Variants in CAPS2 observed in about 807,000 individuals in gnomAD.
The protein encoded by CAPS2 is calcyphosin-2.
Under a neutral mutation model 86.5 loss-of-function variants are expected in CAPS2, and 98 were observed. That is an observed-to-expected ratio of 1.13 (90% CI 0.96 to 1.34). The LOEUF (loss-of-function observed/expected upper bound fraction) is 1.34, where lower values mean the gene tolerates loss of function less well. CAPS2 is among the 40% of genes most tolerant of loss of function. The pLI is 0.00. For synonymous variants in CAPS2, 210 were observed against 225.1 expected, an observed-to-expected ratio of 0.93 and a Z score of 0.60; for missense variants, 729 against 686.8, an observed-to-expected ratio of 1.06 and a Z score of -0.69.
At chr12:75,282,320 T>C (rs2034099581) in exon 16 of CAPS2, 1 of 1,606,514 alleles carries the variant, frequency 6.2e-7, no homozygotes, top group Non-Finnish European at 8.5e-7. Flanking sequence ...ACACTGCCAC[T>C]TTTGTTGAAA....
chr12:75,363,396 A>C (rs888079192), intron 1 of CAPS2, among the ~76,000 whole-genome samples: 9 of 152,180 alleles, frequency 5.9e-5, no homozygotes, highest in African/African-American at 1.9e-4. Context: ...CTCTGAAGCT[A>C]AAGAGCAGAA....
intron 5 of CAPS2, among the ~76,000 whole-genome samples, chr12:75,317,514 C>T (rs916236689): frequency 9.2e-5 from 14 of 152,042 alleles, no homozygotes; most frequent in Non-Finnish European, 2.1e-4. Flanking sequence ...TATTTTGTGT[C>T]AGCTTGTTTT....
At chr12:75,367,250 A>ACAACAACT (rs1231939792) in intron 1 of CAPS2, among the ~76,000 whole-genome samples, 1 of 147,846 alleles carries the variant, frequency 6.8e-6, no homozygotes, top group African/African-American at 2.5e-5. Flanking sequence ...AGGATCCTAA[A>ACAACAACT]CAACAACTTC....
chr12:75,303,100 A>G (rs1035776827), intron 8 of CAPS2, among the ~76,000 whole-genome samples: 8 of 152,226 alleles, frequency 5.3e-5, no homozygotes, highest in Non-Finnish European at 1.2e-4. Context: ...CTATTCACAA[A>G]GAGCCAAATA....
At chr12:75,371,759 A>G (rs528410496) in intron 1 of CAPS2, among the ~76,000 whole-genome samples, 1 of 152,206 alleles carries the variant, frequency 6.6e-6, no homozygotes, top group Non-Finnish European at 1.5e-5. Flanking sequence ...AAATGAAGAT[A>G]CTTTCTTAGT....
At chr12:75,338,825 C>T in intron 1 of CAPS2, among the ~76,000 whole-genome samples, 1 of 135,334 alleles carries the variant, frequency 7.4e-6, no homozygotes, top group South Asian at 2.4e-4. Context: ...TTGTTCAGCT[C>T]CCACTTATAA....
chr12:75,369,975 T>C lies in CAPS2; in HGVS notation c.-395+20863A>G, dbSNP rs76790820. 2,972 of 1,088,732 alleles carry C rather than the reference T, an allele frequency of 2.7e-3. 47 individuals are homozygous for C. The African/African-American group carries it at 0.042, about 15-fold the overall frequency. 67.4% of individuals were successfully genotyped at this position (1,088,732 alleles called of 1,614,324 possible). A position where few individuals can be genotyped will look rare whatever the true frequency, so the allele number is the denominator to read the frequency against. ...TTTACTTTAGGGACTCCACAACTTA[T>C]TATACCTAACCGTATGTATCAAAAT... On this transcript the variant is annotated intron_variant, in intron 1 of 5. Coordinates refer to the CAPS2 transcript ENST00000551829.
chr12:75,371,373 C>A, intron 1 of CAPS2: 1 of 206,662 alleles, frequency 4.8e-6, no homozygotes, highest in South Asian at 5.3e-5. Context: ...TTCTAGCTGG[C>A]AGCCGATTGG....
chr12:75,330,317 G>C (rs1434041816), upstream of CAPS2, among the ~76,000 whole-genome samples: 3 of 152,166 alleles, frequency 2.0e-5, no homozygotes, highest in African/African-American at 7.2e-5. Flanking sequence ...GCCTCCCAGG[G>C]AACCGGCTCC....
At chr12:75,377,358 T>C (rs1328653948) in intron 1 of CAPS2, among the ~76,000 whole-genome samples, 4 of 152,156 alleles carry the variant, frequency 2.6e-5, no homozygotes, top group African/African-American at 4.8e-5. Context: ...TTAAGGATAA[T>C]TTACTCACAC....
intron 1 of CAPS2, chr12:75,369,524 G>A: frequency 3.1e-6 from 3 of 980,418 alleles, no homozygotes; most frequent in African/African-American, 1.7e-5. Flanking sequence ...GTAAACTGGG[G>A]AGGAAAGTTT....
chr12:75,375,722 A>G (rs2044615162), intron 1 of CAPS2, among the ~76,000 whole-genome samples: 1 of 152,210 alleles, frequency 6.6e-6, no homozygotes, highest in Middle Eastern at 3.2e-3. Flanking sequence ...AAACACCGTA[A>G]TTAATTAGCC....
At chr12:75,306,163 A>C (rs2038467956) in intron 7 of CAPS2, 7 of 954,354 alleles carry the variant, frequency 7.3e-6, no homozygotes, top group Non-Finnish European at 1.2e-5. Flanking sequence ...CGTCCAGCAG[A>C]ATTACCTGAA....
chr12:75,374,861 A>C (rs1245082154), intron 1 of CAPS2, among the ~76,000 whole-genome samples: 1 of 152,170 alleles, frequency 6.6e-6, no homozygotes, highest in Non-Finnish European at 1.5e-5. Context: ...GAAACCACAC[A>C]TGGTACAGCA....
chr12:75,295,391 C>T (rs370656265), intron 11 of CAPS2, among the ~76,000 whole-genome samples: 117 of 152,312 alleles, frequency 7.7e-4, no homozygotes, highest in Middle Eastern at 3.4e-3. Flanking sequence ...TGATGGAAAT[C>T]AGTGTATATC....
At chr12:75,303,376 A>T (rs775465926) in intron 8 of CAPS2, among the ~76,000 whole-genome samples, 3 of 152,252 alleles carry the variant, frequency 2.0e-5, no homozygotes, top group Admixed American at 6.5e-5. Context: ...TTTCATTTAC[A>T]TAAATTTCAT....
At chr12:75,309,373 C>G (rs747277910) in intron 7 of CAPS2, among the ~76,000 whole-genome samples, 11 of 152,188 alleles carry the variant, frequency 7.2e-5, no homozygotes, top group Non-Finnish European at 1.5e-4. Context: ...TTCAGGACAC[C>G]AAGAACCTGG....
At chr12:75,364,791 T>A (rs2043854763) in intron 1 of CAPS2, 1 of 152,196 alleles carries the variant, frequency 6.6e-6, no homozygotes, top group African/African-American at 2.4e-5. Context: ...TCTTTAGTAA[T>A]GTGTCCCAAG....
chr12:75,327,063 G>A (rs1024298029), upstream of CAPS2, among the ~76,000 whole-genome samples: 2 of 152,124 alleles, frequency 1.3e-5, no homozygotes, highest in Admixed American at 6.5e-5. Flanking sequence ...TTGACAGCTC[G>A]ATTTTAGCCC....
Sources: allele counts gnomAD v4.1 joint callset (sites outside exome capture counted in the v4.1 genomes callset), GRCh38; gene constraint gnomAD v4.1.1; transcripts MANE v1.5; gene names NCBI Gene and HGNC (gene_info 2026-07-23, HGNC 2026-07-21).